CDH18: variants seen among roughly 807,000 people sequenced by gnomAD.
CDH18 encodes cadherin-18.
A neutral mutation model predicts 67.9 loss-of-function variants in CDH18; 31 were observed. The observed-to-expected ratio is 0.46, with a 90% CI of 0.34 to 0.62. The LOEUF (loss-of-function observed/expected upper bound fraction) is 0.62. Among genes scored for constraint, CDH18 ranks in the 20% least tolerant of loss-of-function variants. The probability of loss-of-function intolerance (pLI) is 0.01; values close to 1 mark genes in which losing one functional copy is unlikely to be tolerated. For synonymous variants in CDH18, 362 were observed against 347.2 expected (o/e 1.04, Z -0.48); for missense variants, 890 against 975.5 (o/e 0.91, Z 1.17).
At chr5:20,341,152 G>C (rs1740224129) in intron 1 of CDH18, among the ~76,000 whole-genome samples, 1 of 152,094 alleles carries the variant, frequency 6.6e-6, no homozygotes, top group South Asian at 2.1e-4. Flanking sequence ...CAACTTGATT[G>C]GATTGAAGGA....
At chr5:20,542,175 T>C (rs543555475) in intron 1 of CDH18, among the ~76,000 whole-genome samples, 5 of 152,258 alleles carry the variant, frequency 3.3e-5, no homozygotes, top group African/African-American at 1.2e-4. Context: ...AGTTTTTCCA[T>C]AGTATCTACA....
At chr5:20,319,286 G>T (rs1580741209) in intron 1 of CDH18, among the ~76,000 whole-genome samples, 2 of 152,100 alleles carry the variant, frequency 1.3e-5, no homozygotes, top group South Asian at 4.1e-4. Context: ...TATTTTAGGT[G>T]ATCTGTGATT....
At chr5:20,258,289 G>T (rs955524340) in intron 1 of CDH18, among the ~76,000 whole-genome samples, 5 of 152,044 alleles carry the variant, frequency 3.3e-5, no homozygotes, top group Non-Finnish European at 7.4e-5. Flanking sequence ...TGTAGAAAAT[G>T]TCTGTTGAAG....
At position 20,517,996 on chromosome 5, in the gene CDH18, C is replaced by T. The variant is rs151126185; in HGVS notation, c.-580+57466G>A. ...CAAAAGATATTCACATTCTATTACA[C>T]TCTTCCAGGAACCTTTATTTTTTTT... On this transcript the variant is annotated intron_variant, in intron 1 of 14. Coordinates refer to the CDH18 transcript ENST00000507958. 3.9e-5 allele frequency among the ~76,000 whole-genome samples: 6 copies of T among 152,192 alleles called. No individual in the cohort carries two copies. In the East Asian group the frequency reaches 1.2e-3, roughly 29 times the overall value.
chr5:20,171,683 G>C (rs1463051207), intron 2 of CDH18, among the ~76,000 whole-genome samples: 1 of 151,806 alleles, frequency 6.6e-6, no homozygotes, highest in Non-Finnish European at 1.5e-5. Flanking sequence ...TTATACTCGT[G>C]ATACTTTCTT....
At chr5:19,753,905 G>GT (rs561858040) in intron 3 of CDH18, among the ~76,000 whole-genome samples, 200 of 152,196 alleles carry the variant, frequency 1.3e-3, no homozygotes, top group Non-Finnish European at 2.4e-3. Flanking sequence ...GAAAGATACA[G>GT]TTTTTTTCAG....
intron 5 of CDH18, among the ~76,000 whole-genome samples, chr5:19,669,000 C>T (rs1260599985): frequency 6.6e-6 from 1 of 150,810 alleles, no homozygotes; most frequent in Non-Finnish European, 1.5e-5. Flanking sequence ...TTCCATGATA[C>T]TTCAACTTCA....
chr5:20,404,935 T>C (rs1746098659), intron 1 of CDH18, among the ~76,000 whole-genome samples: 2 of 152,104 alleles, frequency 1.3e-5, no homozygotes, highest in Admixed American at 6.6e-5. Flanking sequence ...CACACGGAAG[T>C]ATATATTGTA....
intron 1 of CDH18, among the ~76,000 whole-genome samples, chr5:20,449,177 T>C (rs192529139): frequency 5.3e-5 from 8 of 152,258 alleles, no homozygotes; most frequent in Non-Finnish European, 1.0e-4. Context: ...ACAGGTCTCA[T>C]GTCCAGTTTA....
intron 2 of CDH18, among the ~76,000 whole-genome samples, chr5:19,872,922 G>T (rs1000142072): frequency 2.0e-4 from 30 of 152,236 alleles, no homozygotes; most frequent in African/African-American, 6.7e-4. Flanking sequence ...GAGTTCCAAA[G>T]ATTTAAGAGT....
At chr5:20,242,620 A>ATACATATATACATATATACATG in intron 2 of CDH18, among the ~76,000 whole-genome samples, 1 of 68,880 alleles carries the variant, frequency 1.5e-5, no homozygotes, top group African/African-American at 6.5e-5. Context: ...AAATATATAT[A>ATACATATATACATATATACATG]TATATATATA....
chr5:20,532,203 T>G (rs1210762161), intron 1 of CDH18, among the ~76,000 whole-genome samples: 2 of 152,082 alleles, frequency 1.3e-5, no homozygotes, highest in African/African-American at 4.8e-5. Context: ...CACAAAATGC[T>G]GTGATTCGGT....
In CDH18 at chr5:20,553,389, T is replaced by A. The variant is rs184205301; in HGVS notation, c.-580+22073A>T. ...TGTTACCAAATAGCATTAGCACTCT[T>A]CTGTCCTTATAACTAAAACAAATTG... is the stretch of plus-strand genomic sequence containing the variant. On this transcript the variant is annotated intron_variant, in intron 1 of 14. Coordinates refer to the CDH18 transcript ENST00000507958. Among the ~76,000 whole-genome samples, 322 of 152,278 alleles carry A rather than the reference T, an allele frequency of 2.1e-3. 3 individuals carry two copies. Among genetic ancestry groups the A allele is most frequent in the African/African-American group, 7.5e-3 (312 of 41,566 alleles).
chr5:19,497,590 C>T (rs9292647), intron 11 of CDH18, among the ~76,000 whole-genome samples: 32,253 of 152,020 alleles, frequency 0.21, 3,701 homozygotes, highest in African/African-American at 0.28. Flanking sequence ...GGGAAAGATC[C>T]GACAAAACCA....
intron 11 of CDH18, among the ~76,000 whole-genome samples, chr5:19,495,378 C>A: frequency 6.6e-6 from 1 of 152,014 alleles, no homozygotes; most frequent in East Asian, 1.9e-4. Flanking sequence ...AAATGTAGGT[C>A]TAGGTAAAAT....
chr5:19,679,574 G>T (rs557875041), intron 5 of CDH18, among the ~76,000 whole-genome samples: 1 of 151,874 alleles, frequency 6.6e-6, no homozygotes, highest in African/African-American at 2.4e-5. Context: ...CCACCAAAAG[G>T]CTCCTAGAAC....
At chr5:19,718,970 A>G (rs1027396707) in intron 5 of CDH18, among the ~76,000 whole-genome samples, 2 of 152,018 alleles carry the variant, frequency 1.3e-5, no homozygotes, top group Non-Finnish European at 2.9e-5. Flanking sequence ...TTACTGATAT[A>G]TTTGCTTCCC....
intron 5 of CDH18, among the ~76,000 whole-genome samples, chr5:19,696,225 A>ATGTGTGTGTGTGTGTGTG (rs1192392126): frequency 6.7e-5 from 5 of 74,984 alleles, no homozygotes; most frequent in African/African-American, 2.0e-4. Flanking sequence ...CACCAAATAT[A>ATGTGTGTGTGTGTGTGTG]TGTGTGTGTG....
At chr5:20,049,525 C>T (rs957672797) in intron 2 of CDH18, among the ~76,000 whole-genome samples, 13 of 151,512 alleles carry the variant, frequency 8.6e-5, no homozygotes, top group Non-Finnish European at 4.4e-5. Flanking sequence ...ATGTTAAATA[C>T]AAGAAACACT....
Sources: gnomAD v4.1 joint callset for allele counts (sites outside exome capture counted in the v4.1 genomes callset) on GRCh38, gnomAD v4.1.1 for gene constraint, MANE v1.5 for transcripts, NCBI Gene and HGNC (gene_info 2026-07-23, HGNC 2026-07-21) for gene names.